GHSR: variants seen among roughly 807,000 people sequenced by gnomAD.
GHSR encodes growth hormone secretagogue receptor.
GHSR carries 17 observed loss-of-function variants against 24.0 expected under a neutral mutation model. The ratio of observed to expected loss-of-function variants is 0.71; its 90% CI spans 0.49 to 1.06. The LOEUF is 1.06. GHSR is among the 50% of genes least tolerant of loss of function. GHSR has a pLI of 0.00. For missense variants in GHSR, 504 were observed against 483.1 expected (o/e 1.04, Z -0.41); for synonymous variants, 238 against 208.1 (o/e 1.14, Z -1.24).
chr3:172,447,904 C>A lies in GHSR; in HGVS notation c.510G>T (p.Val170=). 3 of 1,612,856 alleles carry A rather than the reference C, an allele frequency of 1.9e-6. No individual in the cohort carries two copies. Among genetic ancestry groups the A allele is most frequent in the Non-Finnish European group, 2.5e-6 (3 of 1,178,944 alleles). The change falls in exon 1 of 2, where the codon GTG becomes GTT. Residue 170 remains valine, a synonymous_variant. Coordinates refer to ENST00000241256, the MANE Select transcript of GHSR (RefSeq NM_198407.2). The part of the protein sequence containing the change: ...VKLVIFVIWA[V]AFCSAGPIFV... The stretch of plus-strand genomic sequence containing the variant: ...AGATGGGCCCGGCGCTGCAGAAGGC[C>A]ACGGCCCAGATGACGAAGATGACCA...
rs1056682592 is a variant in GHSR at position 172,448,279 on chromosome 3, G to A, written c.135C>T (p.Gly45=). ...LQLFPAPLLA[G]VTATCVALFV... is the part of the protein sequence containing the mutation. ...AGAGTGCCACGCAGGTGGCTGTGAC[G>A]CCCGCCAGCAGCGGCGCGGGGAAGA... The change falls in exon 1 of 2, where the codon GGC becomes GGT. Residue 45 remains glycine, a synonymous_variant. Transcript: ENST00000241256. This position sits in a 1 kb window ranked among gnomAD's most constrained non-coding sequence, Gnocchi z 4.8. 3.1e-6 allele frequency: 5 copies of A among 1,612,264 alleles called. No individual in the cohort carries two copies. The highest frequency in any genetic ancestry group is 1.1e-5 in the South Asian group (1 of 91,060).
At position 172,444,121 on chromosome 3, in the gene GHSR, T is replaced by C. The variant is rs1312902334; in HGVS notation, c.*1040A>G. 6.6e-6 allele frequency among the ~76,000 whole-genome samples: 1 copy of C among 152,234 alleles called. No homozygotes were observed. Among genetic ancestry groups the C allele is most frequent in the Non-Finnish European group, 1.5e-5 (1 of 68,022 alleles). On this transcript the variant is annotated 3_prime_UTR_variant, in exon 2 of 2. Transcript: ENST00000241256. ...AATTGTTTTAAAAAGTTTCATTTCC[T>C]GAATATTAACACATGCAACTCAACT... is the stretch of plus-strand genomic sequence containing the variant.
rs1157625710 is a variant in GHSR, at chr3:172,443,345, T to C, written c.*1816A>G. Among the ~76,000 whole-genome samples the C allele has an allele frequency of 6.6e-6, 1 of 152,132 alleles. No homozygotes were observed. Among genetic ancestry groups the C allele is most frequent in the Non-Finnish European group, 1.5e-5 (1 of 68,006 alleles). Reference sequence around the variant, plus strand: ...CTACATAATCAGCTTGCTAGTGTTCTGTATTTAGACCACATTGGTGGTGCA... The same window carrying C: ...CTACATAATCAGCTTGCTAGTGTTCCGTATTTAGACCACATTGGTGGTGCA... On this transcript the variant is annotated 3_prime_UTR_variant, in exon 2 of 2. Transcript: ENST00000241256.
intron 1 of GHSR, chr3:172,447,400 CAG>C (rs1737488745): frequency 3.8e-5 from 37 of 978,570 alleles, no homozygotes; most frequent in African/African-American, 6.8e-5. Context: ...GAGAGAGAGA[CAG>C]AGACAGAGAG....
chr3:172,448,131 A>G lies in GHSR; in HGVS notation c.283T>C (p.Cys95Arg). Residue 95 changes from cysteine to arginine, a missense_variant, in exon 1 of 2, where the codon TGC (cysteine) becomes CGC (arginine). By Grantham distance (180) the Cys-to-Arg change is radical. Transcript: ENST00000241256. The surrounding 1 kb of genome is among the most constrained non-coding windows in gnomAD (Gnocchi z 4.8). ...AGGCGAACGAGGTCCAGGGGCATGC[A>G]GAGGAAGATGAGCAGATCGGAGAAG... ...MAFSDLLIFL[C>R]MPLDLVRLWQ... The G allele has an allele frequency of 6.2e-7, 1 of 1,614,224 alleles. No individual in the cohort carries two copies. Among genetic ancestry groups the G allele is most frequent in the Non-Finnish European group, 8.5e-7 (1 of 1,180,036 alleles).
chr3:172,445,569 C>T (rs2108425054), intron 1 of GHSR, 104 bp from the exon 2 acceptor site: 1 of 1,158,854 alleles, frequency 8.6e-7, no homozygotes, highest in Non-Finnish European at 1.3e-6. Context: ...TGACCATTGA[C>T]TTCAGAGAAA....
Position 172,448,200 on chromosome 3 carries a change from G to A in GHSR, c.214C>T (p.Arg72Cys). ...AGGTTGGTGGTGGTGCGCAGCTCGCGGAAGCGCGACACCACCAGCATGGTG... is the reference window on the plus strand; with the variant it reads ...AGGTTGGTGGTGGTGCGCAGCTCGCAGAAGCGCGACACCACCAGCATGGTG... Reference protein sequence around the residue: ...LLTMLVVSRFRELRTTTNLYL... With the variant: ...LLTMLVVSRFCELRTTTNLYL... Residue 72 changes from arginine to cysteine, a missense_variant, in exon 1 of 2, where the codon CGC (arginine) becomes TGC (cysteine). By Grantham distance (180) the Arg-to-Cys change is radical. Transcript: ENST00000241256. The surrounding 1 kb of genome is among the most constrained non-coding windows in gnomAD (Gnocchi z 4.8). 1.2e-6 allele frequency: 2 copies of A among 1,614,182 alleles called. No individual in the cohort carries two copies. The highest frequency in any genetic ancestry group is 1.7e-6 in the Non-Finnish European group (2 of 1,180,048).
Position 172,448,443 on chromosome 3 carries a change from A to T in GHSR, c.-30T>A. On this transcript the variant is annotated 5_prime_UTR_variant, in exon 1 of 2. Coordinates refer to ENST00000241256, the MANE Select transcript of GHSR (RefSeq NM_198407.2). This position sits in a 1 kb window ranked among gnomAD's most constrained non-coding sequence, Gnocchi z 4.8. The stretch of plus-strand genomic sequence containing the variant: ...CCGGCTCAGCTGAACAGGCTCTGGG[A>T]CGTGACTGCGCTGGGAGGCTGGACC... 1 of 1,572,014 alleles carries T rather than the reference A, an allele frequency of 6.4e-7. No individual in the cohort carries two copies. The highest frequency in any genetic ancestry group is 8.6e-7 in the Non-Finnish European group (1 of 1,167,398).
intron 1 of GHSR, 47 bp downstream of exon 1, chr3:172,447,571 G>A: frequency 1.2e-6 from 2 of 1,607,794 alleles, no homozygotes; most frequent in South Asian, 2.2e-5. Context: ...GGCACAGGGA[G>A]AGGATAGGAC....
Position 172,444,814 on chromosome 3 carries a change from A to G in GHSR, c.*347T>C, listed in dbSNP as rs1737419814. On this transcript the variant is annotated 3_prime_UTR_variant, in exon 2 of 2. Transcript: ENST00000241256. Reference sequence around the variant, plus strand: ...TTCTTTTAACCAAATAATTTTGATCATTATGAAAAAGCAAAGCAAATTTGT... The same window carrying G: ...TTCTTTTAACCAAATAATTTTGATCGTTATGAAAAAGCAAAGCAAATTTGT... Among the ~76,000 whole-genome samples, 1 of 152,194 alleles carries G rather than the reference A, an allele frequency of 6.6e-6. No homozygotes were observed. The highest frequency in any genetic ancestry group is 2.4e-5 in the African/African-American group (1 of 41,440).
rs1281953413 is a variant in GHSR, at chr3:172,447,848, C to T, written c.566G>A (p.Gly189Asp). The T allele has an allele frequency of 1.2e-6, 2 of 1,613,936 alleles. No homozygotes were observed. The highest frequency in any genetic ancestry group is 2.2e-5 in the South Asian group (2 of 91,084). ...FVLVGVEHENGTDPWDTNECR... is the reference protein window; with the variant it reads ...FVLVGVEHENDTDPWDTNECR... The stretch of plus-strand genomic sequence containing the variant: ...CTCGTTGGTGTCCCAAGGGTCGGTG[C>T]CGTTCTCGTGCTCCACCCCGACTAG... Residue 189 changes from glycine to aspartate, a missense_variant, in exon 1 of 2, where the codon GGC (glycine) becomes GAC (aspartate). Physicochemically the swap from Gly to Asp is moderately conservative, Grantham distance 94 (BLOSUM62 -1). Coordinates refer to ENST00000241256, the MANE Select transcript of GHSR (RefSeq NM_198407.2).
intron 1 of GHSR, among the ~76,000 whole-genome samples, chr3:172,447,048 T>C (rs1737478124): frequency 6.6e-6 from 1 of 152,182 alleles, no homozygotes. Context: ...GAAAAATGAA[T>C]AATCTCTAAG....
At position 172,448,342 on chromosome 3, in the gene GHSR, G is replaced by A. The variant is rs1737539161; in HGVS notation, c.72C>T (p.Ser24=). Residue 24 remains serine, a synonymous_variant, in exon 1 of 2, where the codon TCC becomes TCT. Transcript: ENST00000241256. This position sits in a 1 kb window ranked among gnomAD's most constrained non-coding sequence, Gnocchi z 4.8. ...CGTCGCCCAGCGAGTCGTTGCCGGG[G>A]GAAGCATCCCAGTCCAGGTCGGCCA... is the stretch of plus-strand genomic sequence containing the variant. ...LTLADLDWDA[S]PGNDSLGDEL... is the part of the protein sequence containing the mutation. 1.2e-6 allele frequency: 2 copies of A among 1,603,852 alleles called. No homozygotes were observed. Among genetic ancestry groups the A allele is most frequent in the African/African-American group, 1.3e-5 (1 of 74,936 alleles).
At position 172,447,745 on chromosome 3, in the gene GHSR, A is replaced by G; in HGVS notation, c.669T>C (p.Leu223=). 1 of 1,614,118 alleles carries G rather than the reference A, an allele frequency of 6.2e-7. No individual in the cohort carries two copies. Among genetic ancestry groups the G allele is most frequent in the Non-Finnish European group, 8.5e-7 (1 of 1,180,026 alleles). Residue 223 remains leucine, a synonymous_variant, in exon 1 of 2, where the codon CTT becomes CTC. Coordinates refer to ENST00000241256, the MANE Select transcript of GHSR (RefSeq NM_198407.2). The stretch of plus-strand genomic sequence containing the variant: ...AGAGGACCGTGAGACAGAAGACAGG[A>G]AGGAAGAAGAAGATGCTGGACACCC... ...MVWVSSIFFF[L]PVFCLTVLYS...
rs200004936 is a variant in GHSR at position 172,447,775 on chromosome 3, C to T, written c.639G>A (p.Met213Ile). 59 of 1,613,998 alleles carry T rather than the reference C, an allele frequency of 3.7e-5. No homozygotes were observed. The highest frequency in any genetic ancestry group is 9.9e-5 in the South Asian group (9 of 91,086). ...AGAAGAAGATGCTGGACACCCACAC[C>T]ATGACCGTGAGCAGTCCAGAGCGCA... ...FAVRSGLLTV[M>I]VWVSSIFFFL... The change falls in exon 1 of 2, where the codon ATG becomes ATA. Residue 213 changes from methionine to isoleucine, a missense_variant. By Grantham distance (10) the Met-to-Ile change is conservative. Transcript: ENST00000241256.
intron 1 of GHSR, among the ~76,000 whole-genome samples, chr3:172,447,169 G>A (rs948925492): frequency 6.6e-6 from 1 of 152,166 alleles, no homozygotes; most frequent in East Asian, 1.9e-4. Flanking sequence ...CCTACTTGAG[G>A]CAGGAAGTCA....
At position 172,444,100 on chromosome 3, in the gene GHSR, G is replaced by C. The variant is rs775843480; in HGVS notation, c.*1061C>G. On this transcript the variant is annotated 3_prime_UTR_variant, in exon 2 of 2. Coordinates refer to ENST00000241256, the MANE Select transcript of GHSR (RefSeq NM_198407.2). Reference sequence around the variant, plus strand: ...AGGCAGTTTGTGATTACCCATAATTGTTTTAAAAAGTTTCATTTCCTGAAT... The same window carrying C: ...AGGCAGTTTGTGATTACCCATAATTCTTTTAAAAAGTTTCATTTCCTGAAT... 2.6e-5 allele frequency among the ~76,000 whole-genome samples: 4 copies of C among 151,992 alleles called. No individual in the cohort carries two copies. The highest frequency in any genetic ancestry group is 6.5e-5 in the Admixed American group (1 of 15,268).
Position 172,448,296 on chromosome 3 carries a change from C to T in GHSR, c.118G>A (p.Ala40Thr). 6.2e-7 allele frequency: 1 copy of T among 1,612,024 alleles called. No homozygotes were observed. Among genetic ancestry groups the T allele is most frequent in the Non-Finnish European group, 8.5e-7 (1 of 1,179,846 alleles). Residue 40 changes from alanine to threonine, a missense_variant, in exon 1 of 2, where the codon GCG (alanine) becomes ACG (threonine). Coordinates refer to ENST00000241256, the MANE Select transcript of GHSR (RefSeq NM_198407.2). This position sits in a 1 kb window ranked among gnomAD's most constrained non-coding sequence, Gnocchi z 4.8. Reference protein sequence around the residue: ...LGDELLQLFPAPLLAGVTATC... With the variant: ...LGDELLQLFPTPLLAGVTATC... Reference sequence around the variant, plus strand: ...GCTGTGACGCCCGCCAGCAGCGGCGCGGGGAAGAGCTGCAGCAGCTCGTCG... The same window carrying T: ...GCTGTGACGCCCGCCAGCAGCGGCGTGGGGAAGAGCTGCAGCAGCTCGTCG...
chr3:172,447,565 C>T (rs371873542), intron 1 of GHSR, 53 bp downstream of exon 1: 3 of 1,604,452 alleles, frequency 1.9e-6, no homozygotes, highest in Non-Finnish European at 2.6e-6. Flanking sequence ...GGAGAAGGCA[C>T]AGGGAGAGGA....
Sources: gnomAD v4.1 joint callset for allele counts (sites outside exome capture counted in the v4.1 genomes callset) on GRCh38, gnomAD v4.1.1 for gene constraint, Gnocchi (gnomAD v3.1) non-coding constraint, MANE v1.5 for transcripts, NCBI Gene and HGNC (gene_info 2026-07-23, HGNC 2026-07-21) for gene names.